The following TENM4 variants were observed in gnomAD, a reference collection of about 807,000 sequenced individuals.
TENM4 encodes teneurin-4.
A neutral mutation model predicts 243.3 loss-of-function variants in TENM4; 82 were observed. The observed-to-expected ratio is 0.34, with a 90% CI of 0.28 to 0.40. The LOEUF is 0.40. Ranked by LOEUF, TENM4 falls within the 10% of genes least tolerant of loss-of-function variation. TENM4 has a pLI of 1.00. For missense variants in TENM4, 3,138 were observed against 3,673.3 expected (o/e 0.85, Z 3.77); for synonymous variants, 1,412 against 1,456.3 (o/e 0.97, Z 0.69).
chr11:79,200,686 A>C (rs1863721487), intron 3 of TENM4, among the ~76,000 whole-genome samples: 1 of 152,228 alleles, frequency 6.6e-6, no homozygotes, highest in Non-Finnish European at 1.5e-5. Flanking sequence ...TTTCAATTCT[A>C]GGCTGATCGT....
chr11:79,332,975 T>C (rs1211453918), intron 1 of TENM4, among the ~76,000 whole-genome samples: 1 of 152,156 alleles, frequency 6.6e-6, no homozygotes, highest in Non-Finnish European at 1.5e-5. Context: ...ACAGGATTTG[T>C]CAACCTTCAA....
At chr11:79,195,947 G>A (rs966255088) in intron 3 of TENM4, among the ~76,000 whole-genome samples, 1 of 152,070 alleles carries the variant, frequency 6.6e-6, no homozygotes. Context: ...AGAGACCAGC[G>A]GGAGGTAACT....
intron 1 of TENM4, among the ~76,000 whole-genome samples, chr11:79,371,216 T>C (rs1826641446): frequency 6.6e-6 from 1 of 152,100 alleles, no homozygotes; most frequent in Non-Finnish European, 1.5e-5. Context: ...CAGATTGGGG[T>C]AGCACTGGAG....
intron 1 of TENM4, among the ~76,000 whole-genome samples, chr11:79,409,147 A>C: frequency 6.7e-6 from 1 of 148,698 alleles, no homozygotes; most frequent in Non-Finnish European, 1.5e-5. Flanking sequence ...CGTGAGAGTT[A>C]GTGGTTTTAG....
chr11:79,136,274 A>C (rs567105140), intron 4 of TENM4, among the ~76,000 whole-genome samples: 2 of 152,284 alleles, frequency 1.3e-5, no homozygotes, highest in African/African-American at 4.8e-5. Context: ...TCTGCATCCC[A>C]TGTAAGTGCT....
chr11:79,398,626 T>G (rs144363273), intron 1 of TENM4, among the ~76,000 whole-genome samples: 1 of 151,440 alleles, frequency 6.6e-6, no homozygotes, highest in South Asian at 2.1e-4. Context: ...CTAAATAGTA[T>G]GGACCCAATA....
chr11:79,389,785 G>A (rs1026218855), intron 1 of TENM4, among the ~76,000 whole-genome samples: 15 of 152,308 alleles, frequency 9.8e-5, no homozygotes, highest in South Asian at 4.1e-4. Flanking sequence ...TCACAAAAAA[G>A]TACTCAATTA....
intron 6 of TENM4, among the ~76,000 whole-genome samples, chr11:78,989,032 C>A (rs998913551): frequency 6.6e-6 from 1 of 152,174 alleles, no homozygotes; most frequent in Admixed American, 6.5e-5. Flanking sequence ...AAGGTCCAGA[C>A]CTCAGCCACT....
intron 3 of TENM4, among the ~76,000 whole-genome samples, chr11:79,196,998 CAGCAAAA>C (rs1371944530): frequency 6.6e-6 from 1 of 152,176 alleles, no homozygotes; most frequent in Non-Finnish European, 1.5e-5. Context: ...AAGAGGTTTT[CAGCAAAA>C]AGCAAAAAGG....
At chr11:79,391,895 G>A (rs1180243993) in intron 1 of TENM4, among the ~76,000 whole-genome samples, 1 of 151,918 alleles carries the variant, frequency 6.6e-6, no homozygotes, top group African/African-American at 2.4e-5. Context: ...CACTCCTATT[G>A]TTCCCCTCCA....
At chr11:78,974,913 G>A (rs939634075) in intron 6 of TENM4, among the ~76,000 whole-genome samples, 1 of 151,596 alleles carries the variant, frequency 6.6e-6, no homozygotes, top group Admixed American at 6.6e-5. Context: ...TCGAACTCCT[G>A]ACCTTATATA....
chr11:78,895,382 T>C (rs1359875601), intron 7 of TENM4, among the ~76,000 whole-genome samples: 1 of 152,096 alleles, frequency 6.6e-6, no homozygotes, highest in Non-Finnish European at 1.5e-5. Flanking sequence ...TTCTGTACTT[T>C]TAAACTTAGT....
intron 4 of TENM4, among the ~76,000 whole-genome samples, chr11:79,143,321 A>G (rs1402573625): frequency 2.0e-5 from 3 of 152,164 alleles, no homozygotes; most frequent in Non-Finnish European, 4.4e-5. Context: ...TGTGGCACAT[A>G]TACACCATGG....
At chr11:78,719,468 GAGAT>G (rs1316416879) in intron 25 of TENM4, among the ~76,000 whole-genome samples, 1 of 152,144 alleles carries the variant, frequency 6.6e-6, no homozygotes, top group Non-Finnish European at 1.5e-5. Flanking sequence ...TCAATTGAAA[GAGAT>G]AGAATCATTA....
intron 2 of TENM4, among the ~76,000 whole-genome samples, chr11:79,282,933 G>C (rs1278341372): frequency 6.6e-6 from 1 of 152,166 alleles, no homozygotes; most frequent in Non-Finnish European, 1.5e-5. Context: ...CTGCCCGTAA[G>C]GAAATTTTCA....
In TENM4 at chr11:78,900,339, G is replaced by A. The variant is rs1855899998; in HGVS notation, c.749+2929C>T. Among the ~76,000 whole-genome samples the A allele has an allele frequency of 2.0e-5, 3 of 152,200 alleles. No individual in the cohort carries two copies. The South Asian group carries it at 6.2e-4, about 31-fold the overall frequency. ...GGGTTTCTGAGGATAGGGTATGTCT[G>A]ATCCTAAAACCGGTGCTTCAAACTC... On this transcript the variant is annotated intron_variant, in intron 7 of 33. Coordinates refer to ENST00000278550, the MANE Select transcript of TENM4 (RefSeq NM_001098816.3).
intron 19 of TENM4, among the ~76,000 whole-genome samples, chr11:78,744,345 G>A (rs1409026565): frequency 6.6e-6 from 1 of 152,132 alleles, no homozygotes; most frequent in African/African-American, 2.4e-5. Flanking sequence ...GCCTATATAC[G>A]TATTCTTGGG....
At chr11:79,034,299 G>C (rs1357921683) in intron 6 of TENM4, among the ~76,000 whole-genome samples, 3 of 152,204 alleles carry the variant, frequency 2.0e-5, no homozygotes, top group African/African-American at 7.2e-5. Context: ...CTGCATGTCA[G>C]TTTCTGAGTT....
In TENM4 at chr11:78,655,152, G is replaced by A. The variant is rs1341435246; in HGVS notation, c.*2906C>T. ...TGGTCTTAGCAGGAGGACAGCTTGA[G>A]GAGGGAGTCACTGAGTCACCTGCAG... On this transcript the variant is annotated 3_prime_UTR_variant, in exon 34 of 34. Coordinates refer to ENST00000278550, the MANE Select transcript of TENM4 (RefSeq NM_001098816.3). 6.6e-6 allele frequency: 1 copy of A among 152,346 alleles called. No homozygotes were observed. The highest frequency in any genetic ancestry group is 1.5e-5 in the Non-Finnish European group (1 of 68,176). 9.4% of individuals were successfully genotyped at this position (152,346 alleles called of 1,614,324 possible).
Sources: allele counts gnomAD v4.1 joint callset (sites outside exome capture counted in the v4.1 genomes callset), GRCh38; gene constraint gnomAD v4.1.1; transcripts MANE v1.5; gene names NCBI Gene and HGNC (gene_info 2026-07-23, HGNC 2026-07-21).